The following REXO2 variants were observed in gnomAD, a reference collection of about 807,000 sequenced individuals.
REXO2 encodes the protein RNA exonuclease 2, also known as oligoribonuclease, mitochondrial.
A neutral mutation model predicts 30.9 loss-of-function variants in REXO2; 17 were observed. That is an observed-to-expected ratio of 0.55 (90% CI 0.38 to 0.82). REXO2 has a LOEUF of 0.82. Ranked by LOEUF, REXO2 falls within the 40% of genes least tolerant of loss-of-function variation. REXO2 has a pLI of 0.00. For synonymous variants in REXO2, 105 were observed against 99.6 expected (o/e 1.05, Z -0.32); for missense variants, 253 against 293.2 (o/e 0.86, Z 1.00).
At position 114,448,122 on chromosome 11, in the gene REXO2, T is replaced by A. The variant is rs544123403; in HGVS notation, c.584+243T>A. 2.1e-4 allele frequency among the ~76,000 whole-genome samples: 32 copies of A among 152,352 alleles called. 1 individual carries two copies. In the South Asian group the frequency reaches 6.6e-3, roughly 32 times the overall value. On this transcript the variant is annotated intron_variant, in intron 6 of 6. Coordinates refer to ENST00000265881, the MANE Select transcript of REXO2 (RefSeq NM_015523.4). ...TCTTAGATAGCTTGGTTTATAGGAA[T>A]GATGAAACAATCTGTAATCTTTCTA... is the stretch of plus-strand genomic sequence containing the variant.
At chr11:114,442,992 A>G (rs1187946227) in intron 2 of REXO2, among the ~76,000 whole-genome samples, 2 of 152,204 alleles carry the variant, frequency 1.3e-5, no homozygotes, top group East Asian at 3.9e-4. Flanking sequence ...CTCCAAGTTT[A>G]TGTATTGTCT....
At chr11:114,440,763 T>A in intron 2 of REXO2, 24 bp downstream of exon 2, 1 of 1,517,874 alleles carries the variant, frequency 6.6e-7, no homozygotes, top group Non-Finnish European at 9.1e-7. Context: ...TGTAATACAG[T>A]CATACTTTTT....
chr11:114,441,634 A>G, intron 2 of REXO2: 1 of 665,766 alleles, frequency 1.5e-6, no homozygotes, highest in East Asian at 2.7e-5. Flanking sequence ...ATGTTTGTGG[A>G]AAAGAGAGTC....
chr11:114,444,013 T>TCCAACAA, intron 3 of REXO2, 80 bp downstream of exon 3: 4 of 942,444 alleles, frequency 4.2e-6, no homozygotes, highest in South Asian at 1.4e-5. Flanking sequence ...TCCGATACCA[T>TCCAACAA]TGTTGGATGG....
chr11:114,445,639 T>C (rs1946506088), intron 4 of REXO2: 1 of 169,798 alleles, frequency 5.9e-6, no homozygotes, highest in Admixed American at 6.1e-5. Flanking sequence ...GTGGTGTGAA[T>C]TTTGTGACAC....
intron 6 of REXO2, 37 bp from the exon 7 acceptor site, chr11:114,449,809 T>C (rs753615692): frequency 6.3e-7 from 1 of 1,581,054 alleles, no homozygotes; most frequent in African/African-American, 1.4e-5. Context: ...TCTCCTGGTT[T>C]TGGACAGTTC....
intron 6 of REXO2, 121 bp from the exon 7 acceptor site, chr11:114,449,725 G>A: frequency 1.1e-6 from 1 of 935,498 alleles, no homozygotes; most frequent in Non-Finnish European, 1.6e-6. Context: ...GATGATGCTA[G>A]ACAGTGACAC....
chr11:114,440,596 T>G, intron 1 of REXO2, 60 bp from the exon 2 acceptor site: 2 of 1,255,624 alleles, frequency 1.6e-6, no homozygotes, highest in Non-Finnish European at 2.3e-6. Context: ...TAAATAAACT[T>G]GGGTAAAAGA....
At chr11:114,446,696 G>C (rs1336868172) in intron 5 of REXO2, among the ~76,000 whole-genome samples, 1 of 152,182 alleles carries the variant, frequency 6.6e-6, no homozygotes, top group Non-Finnish European at 1.5e-5. Flanking sequence ...GGAAGCTAAG[G>C]CAAAATGTGT....
intron 6 of REXO2, 103 bp from the exon 7 acceptor site, chr11:114,449,742 TA>T (rs1946533571): frequency 9.0e-7 from 1 of 1,114,182 alleles, no homozygotes; most frequent in Non-Finnish European, 1.3e-6. Context: ...ACACTTACAG[TA>T]ACATCCATTG....
At chr11:114,442,174 A>AG (rs1012935068) in intron 2 of REXO2, among the ~76,000 whole-genome samples, 1 of 150,896 alleles carries the variant, frequency 6.6e-6, no homozygotes, top group African/African-American at 2.4e-5. Context: ...AAAAAAAAAA[A>AG]GCTTAGGGGC....
At chr11:114,443,514 GTTC>G (rs1000076132) in intron 2 of REXO2, among the ~76,000 whole-genome samples, 5 of 150,136 alleles carry the variant, frequency 3.3e-5, no homozygotes, top group African/African-American at 1.2e-4. Flanking sequence ...CTTGTCATAT[GTTC>G]TTTTTTTTTT....
rs778966513 is a variant in REXO2, at chr11:114,447,856, A to G, written c.561A>G (p.Ala187=). ...RRWYPEEYEF[A]PKKAASHRAL... is the part of the protein sequence containing the mutation. Reference sequence around the variant, plus strand: ...GGTATCCAGAAGAATATGAATTTGCACCAAAGAAGGCTGCTTCTCATAGGT... The same window carrying G: ...GGTATCCAGAAGAATATGAATTTGCGCCAAAGAAGGCTGCTTCTCATAGGT... Residue 187 remains alanine, a synonymous_variant, in exon 6 of 7, where the codon GCA becomes GCG. Coordinates refer to ENST00000265881, the MANE Select transcript of REXO2 (RefSeq NM_015523.4). 1.6e-5 allele frequency: 26 copies of G among 1,613,862 alleles called. No individual in the cohort carries two copies. Among genetic ancestry groups the G allele is most frequent in the Non-Finnish European group, 2.2e-5 (26 of 1,179,928 alleles).
chr11:114,447,914 GAC>G, intron 6 of REXO2, 35 bp downstream of exon 6: 2 of 1,559,400 alleles, frequency 1.3e-6, no homozygotes, highest in South Asian at 2.3e-5. Context: ...TTTCCAGTCT[GAC>G]ACACACTTAA....
intron 6 of REXO2, among the ~76,000 whole-genome samples, 165 bp from the exon 7 acceptor site, chr11:114,449,681 A>G (rs1260266389): frequency 6.6e-6 from 1 of 152,180 alleles, no homozygotes; most frequent in East Asian, 1.9e-4. Flanking sequence ...CAAAGCATTT[A>G]AAGAAAATTG....
intron 1 of REXO2, 195 bp downstream of exon 1, chr11:114,439,870 G>A: frequency 1.6e-6 from 1 of 637,414 alleles, no homozygotes; most frequent in Non-Finnish European, 2.6e-6. Flanking sequence ...CTGCGCTGTA[G>A]GGCTTCTTTC....
intron 1 of REXO2, chr11:114,439,915 C>T (rs1946463862): frequency 1.7e-6 from 1 of 572,032 alleles, no homozygotes; most frequent in Non-Finnish European, 3.1e-6. Context: ...GCTTCTTCTC[C>T]TCCCTACCCC....
At chr11:114,441,881 A>G (rs961496391) in intron 2 of REXO2, 2 of 635,308 alleles carry the variant, frequency 3.1e-6, no homozygotes, top group Non-Finnish European at 2.8e-6. Flanking sequence ...AACTTTGTAT[A>G]AATAAAGCCC....
Position 114,447,876 on chromosome 11 carries a change from A to G in REXO2, c.581A>G (p.His194Arg), listed in dbSNP as rs774380988. The G allele has an allele frequency of 1.7e-5, 27 of 1,613,554 alleles. No individual in the cohort carries two copies. The highest frequency in any genetic ancestry group is 2.1e-5 in the Non-Finnish European group (25 of 1,179,744). Residue 194 changes from histidine (H) to arginine (R), a missense_variant, in exon 6 of 7, where the codon CAT becomes CGT. Transcript: ENST00000265881. ...YEFAPKKAAS[H>R]RALDDISESI... ...TTTGCACCAAAGAAGGCTGCTTCTC[A>G]TAGGTAAGTTTGAGTTCTACCAAGC...
Sources: allele counts gnomAD v4.1 joint callset (sites outside exome capture counted in the v4.1 genomes callset), GRCh38; gene constraint gnomAD v4.1.1; transcripts MANE v1.5; gene names NCBI Gene and HGNC (gene_info 2026-07-23, HGNC 2026-07-21).